MED24: variants seen among roughly 807,000 people sequenced by gnomAD.
MED24 encodes mediator of RNA polymerase II transcription subunit 24.
Under a neutral mutation model 118.8 loss-of-function variants are expected in MED24, and 74 were observed. The ratio of observed to expected loss-of-function variants is 0.62; its 90% CI spans 0.52 to 0.76. The LOEUF (loss-of-function observed/expected upper bound fraction) is 0.76, where lower values mean the gene tolerates loss of function less well. Ranked by LOEUF, MED24 falls within the 30% of genes least tolerant of loss-of-function variation. The pLI is 0.00. For missense variants in MED24, 1,041 were observed against 1,278.9 expected (o/e 0.81, Z 2.84); for synonymous variants, 521 against 523.9 (o/e 0.99, Z 0.08).
intron 3 of MED24, among the ~76,000 whole-genome samples, chr17:40,053,086 C>A (rs1326722560): frequency 1.3e-5 from 2 of 152,106 alleles, no homozygotes; most frequent in East Asian, 2.0e-4. Flanking sequence ...AGGGGCACCA[C>A]CACGCAGGGG....
chr17:40,042,787 A>G (rs1984693407), intron 3 of MED24, among the ~76,000 whole-genome samples: 1 of 152,240 alleles, frequency 6.6e-6, no homozygotes, highest in African/African-American at 2.4e-5. Flanking sequence ...GGCCTATTCA[A>G]TAAAGACAGT....
intron 3 of MED24, among the ~76,000 whole-genome samples, chr17:40,037,214 GGGAAGGAA>G (rs772575089): frequency 3.5e-5 from 5 of 142,728 alleles, no homozygotes; most frequent in African/African-American, 1.2e-4. Context: ...GAGAGAAAGA[GGGAAGGAA>G]GGAAGGAAGG....
At chr17:40,037,736 C>T (rs1984110007) in intron 3 of MED24, among the ~76,000 whole-genome samples, 1 of 151,924 alleles carries the variant, frequency 6.6e-6, no homozygotes, top group Admixed American at 6.6e-5. Flanking sequence ...ACGGTGAAAC[C>T]CCGTCTCTAC....
chr17:40,019,169 C>CACATAA lies in MED24; in HGVS notation c.*359_*360insTTATGT, dbSNP rs1214728479. Reference sequence around the variant, plus strand: ...GATTTCCCTCACATATTACAAAATACACACAAACACACACACACACACACA... The same window carrying CACATAA: ...GATTTCCCTCACATATTACAAAATACACATAAACACAAACACACACACACACACACA... On this transcript the variant is annotated 3_prime_UTR_variant, in exon 26 of 26. Coordinates refer to ENST00000394128, the MANE Select transcript of MED24 (RefSeq NM_014815.4). 109 of 153,580 alleles carry CACATAA rather than the reference C, an allele frequency of 7.1e-4. 1 individual carries two copies. The highest frequency in any genetic ancestry group is 9.0e-4 in the Non-Finnish European group (72 of 80,228). 9.5% of individuals were successfully genotyped at this position (153,580 alleles called of 1,614,324 possible).
At position 40,033,633 on chromosome 17, in the gene MED24, G is replaced by T. The variant is rs898270581; in HGVS notation, c.560-177C>A. ...GCAGCATGCACTGTTTCCAGAAGGG[G>T]GGTGGGCACCTAGAGCTGGAAACCC... On this transcript the variant is annotated intron_variant, in intron 6 of 25. Coordinates refer to ENST00000394128, the MANE Select transcript of MED24 (RefSeq NM_014815.4). This position sits in a 1 kb window ranked among gnomAD's most constrained non-coding sequence, Gnocchi z 5.2. 1.0e-5 allele frequency: 7 copies of T among 702,962 alleles called. No individual in the cohort carries two copies. Among genetic ancestry groups the T allele is most frequent in the Admixed American group, 2.0e-5 (1 of 49,750 alleles). 43.5% of individuals were successfully genotyped at this position (702,962 alleles called of 1,614,324 possible).
At chr17:40,032,552 G>T in intron 9 of MED24, 97 bp downstream of exon 9, 2 of 897,682 alleles carry the variant, frequency 2.2e-6, no homozygotes, top group Non-Finnish European at 3.4e-6. Context: ...TGGGCCCAGT[G>T]CCCGCAGGGA....
intron 22 of MED24, 35 bp downstream of exon 22, chr17:40,022,359 C>A (rs758098673): frequency 6.4e-7 from 1 of 1,571,954 alleles, no homozygotes; most frequent in Non-Finnish European, 8.7e-7. Context: ...AACCGGTGAA[C>A]AAGTGAAGCC....
At chr17:40,044,645 G>C (rs1265871788) in intron 3 of MED24, among the ~76,000 whole-genome samples, 1 of 152,134 alleles carries the variant, frequency 6.6e-6, no homozygotes, top group Non-Finnish European at 1.5e-5. Context: ...ACTTTGGGAG[G>C]CCGAGGTGGG....
intron 3 of MED24, among the ~76,000 whole-genome samples, chr17:40,049,416 T>G (rs1985580582): frequency 6.6e-6 from 1 of 152,232 alleles, no homozygotes; most frequent in Non-Finnish European, 1.5e-5. Flanking sequence ...CCACAAAGCC[T>G]TCCTTGATTG....
rs758846938 is a variant in MED24, at chr17:40,023,163, C to T, written c.2218G>A (p.Gly740Ser). The T allele has an allele frequency of 3.1e-6, 5 of 1,613,976 alleles. No homozygotes were observed. The highest frequency in any genetic ancestry group is 1.7e-5 in the Admixed American group (1 of 59,996). The change falls in exon 20 of 26, where the codon GGC (glycine) becomes AGC (serine). Residue 740 changes from glycine (G) to serine (S), a missense_variant. This residue lies in a region of MED24 where 587 missense variants were observed against 694.4 expected (regional missense o/e 0.85). Coordinates refer to ENST00000394128, the MANE Select transcript of MED24 (RefSeq NM_014815.4). ...AGGTTGTTGCAGAACCAGTAGACGC[C>T]GCCCATGTGCAGCAGGGTGTCAAAG... ...HIFDTLLHMG[G>S]VYWFCNNLIK...
chr17:40,034,852 C>CGGGGGGGGG, intron 6 of MED24: 1 of 386,866 alleles, frequency 2.6e-6, no homozygotes, highest in Non-Finnish European at 4.7e-6. Context: ...CCTTTGGTAG[C>CGGGGGGGGG]CCCCCACCCC....
At chr17:40,027,224 A>C in intron 16 of MED24, 159 bp downstream of exon 16, 1 of 1,080,328 alleles carries the variant, frequency 9.3e-7, no homozygotes, top group Non-Finnish European at 1.3e-6. Flanking sequence ...CATAGGGCTG[A>C]AGGTGCCTCT....
In MED24 at chr17:40,033,442, T is replaced by C. The variant is rs775653946; in HGVS notation, c.574A>G (p.Ile192Val). ...KLEEASSWTA[I>V]EHSLLKLGEI... ...CCAAGTTTCAAGAGAGAATGCTCGA[T>C]GGCAGTCCAAGAAGCTGGCAGAGGG... Residue 192 changes from isoleucine (I) to valine (V), a missense_variant, in exon 7 of 26, where the codon ATC (isoleucine) becomes GTC (valine). Physicochemically the swap from Ile to Val is conservative, Grantham distance 29. This residue lies in a region of MED24 where 434 missense variants were observed against 514.9 expected (regional missense o/e 0.84). Coordinates refer to ENST00000394128, the MANE Select transcript of MED24 (RefSeq NM_014815.4). The surrounding 1 kb of genome is among the most constrained non-coding windows in gnomAD (Gnocchi z 5.2). 1.9e-6 allele frequency: 3 copies of C among 1,596,012 alleles called. No homozygotes were observed. Among genetic ancestry groups the C allele is most frequent in the South Asian group, 1.1e-5 (1 of 88,558 alleles).
intron 3 of MED24, among the ~76,000 whole-genome samples, chr17:40,042,320 A>G (rs1190507256): frequency 1.3e-5 from 2 of 152,240 alleles, no homozygotes; most frequent in Admixed American, 6.5e-5. Context: ...AAACTAAGTG[A>G]AGATTTGTCC....
rs1240187684 is a variant in MED24, at chr17:40,033,752, G to A, written c.560-296C>T. On this transcript the variant is annotated intron_variant, in intron 6 of 25. Coordinates refer to ENST00000394128, the MANE Select transcript of MED24 (RefSeq NM_014815.4). The surrounding 1 kb of genome is among the most constrained non-coding windows in gnomAD (Gnocchi z 5.2). ...CACAGGCTCAGGAGAGAGAGGCAGAGGGAGGCCAGAATCCAGTGGCTGGAA... is the reference window on the plus strand; with the variant it reads ...CACAGGCTCAGGAGAGAGAGGCAGAAGGAGGCCAGAATCCAGTGGCTGGAA... 1.1e-5 allele frequency: 6 copies of A among 550,216 alleles called. No individual in the cohort carries two copies. The Admixed American group carries it at 1.1e-4, about 10-fold the overall frequency. The allele number at this position is 550,216 out of a possible 1,614,324, so 34.1% of individuals were successfully genotyped here. A position where few individuals can be genotyped will look rare whatever the true frequency, so the allele number is the denominator to read the frequency against.
At position 40,027,017 on chromosome 17, in the gene MED24, C is replaced by G; in HGVS notation, c.1548G>C (p.Ser516=). The change falls in exon 17 of 26, where the codon TCG becomes TCC. Residue 516 remains serine, a synonymous_variant. Transcript: ENST00000394128. ...AGAAGGGCACCTCAGCTCCTGTGCG[C>G]GACTCGGACAGAATCACCTGGGAAA... ...TYGSEVILSE[S]RTGAEVPFFE... 5.0e-6 allele frequency: 8 copies of G among 1,614,062 alleles called. No homozygotes were observed. Among genetic ancestry groups the G allele is most frequent in the Non-Finnish European group, 6.8e-6 (8 of 1,180,000 alleles).
In MED24 at chr17:40,032,753, T is replaced by G; in HGVS notation, c.832A>C (p.Thr278Pro). The G allele has an allele frequency of 6.2e-7, 1 of 1,613,084 alleles. No individual in the cohort carries two copies. Among genetic ancestry groups the G allele is most frequent in the African/African-American group, 1.3e-5 (1 of 74,870 alleles). Residue 278 changes from threonine to proline, a missense_variant, in exon 9 of 26, where the codon ACC (threonine) becomes CCC (proline). This residue lies in a region of MED24 where 434 missense variants were observed against 514.9 expected (regional missense o/e 0.84). Coordinates refer to ENST00000394128, the MANE Select transcript of MED24 (RefSeq NM_014815.4). ...TMVKRMQHIPTPLFVLEIWKA... is the reference protein window; with the variant it reads ...TMVKRMQHIPPPLFVLEIWKA... ...CAGATCTCCAGGACAAAAAGTGGGG[T>G]GGGGATATGCTGTGGGAAGAGCCAA...
intron 25 of MED24, 70 bp from the exon 26 acceptor site, chr17:40,019,715 G>T: frequency 6.3e-7 from 1 of 1,587,372 alleles, no homozygotes; most frequent in Admixed American, 1.7e-5. Context: ...GGGGAAGGAG[G>T]CCCCTCCCTG....
intron 19 of MED24, among the ~76,000 whole-genome samples, chr17:40,025,016 G>A (rs190251973): frequency 3.2e-3 from 485 of 152,278 alleles, no homozygotes; most frequent in Non-Finnish European, 4.6e-3. Context: ...GATTGCAGGC[G>A]TGAGCCACCA....
Sources: allele counts gnomAD v4.1 joint callset (sites outside exome capture counted in the v4.1 genomes callset), GRCh38; gene constraint gnomAD v4.1.1; regional missense constraint gnomAD v4.1.1; non-coding constraint Gnocchi (gnomAD v3.1); transcripts MANE v1.5; gene names NCBI Gene and HGNC (gene_info 2026-07-23, HGNC 2026-07-21).